Variants in PLAC8L1 observed in about 807,000 individuals in gnomAD.
PLAC8L1 encodes PLAC8-like protein 1.
A neutral mutation model predicts 16.3 loss-of-function variants in PLAC8L1; 13 were observed. The observed-to-expected ratio is 0.80, with a 90% CI of 0.52 to 1.27. PLAC8L1 has a LOEUF of 1.27. PLAC8L1 is among the 50% of genes most tolerant of loss of function. PLAC8L1 has a pLI of 0.00. For missense variants in PLAC8L1, 184 were observed against 220.2 expected (o/e 0.84, Z 1.04); for synonymous variants, 78 against 79.3 (o/e 0.98, Z 0.09).
At chr5:146,104,104 TC>T in intron 1 of PLAC8L1, 88 bp downstream of exon 1, 1 of 1,509,402 alleles carries the variant, frequency 6.6e-7, no homozygotes, top group Non-Finnish European at 8.8e-7. Flanking sequence ...AGCCCAGTTT[TC>T]TTTTCCCTGG....
chr5:146,098,068 T>C (rs1412560145), intron 2 of PLAC8L1, 88 bp downstream of exon 2: 3 of 1,396,238 alleles, frequency 2.1e-6, no homozygotes, highest in Non-Finnish European at 2.9e-6. Context: ...TTAATTTCTG[T>C]CCTTGTGCCT....
chr5:146,098,206 C>T lies in PLAC8L1; in HGVS notation c.206G>A (p.Gly69Asp). 3 of 1,614,134 alleles carry T rather than the reference C, an allele frequency of 1.9e-6. No homozygotes were observed. Among genetic ancestry groups the T allele is most frequent in the African/African-American group, 2.7e-5 (2 of 75,064 alleles). The change falls in exon 2 of 4, where the codon GGC (glycine) becomes GAC (aspartate). Residue 69 changes from glycine (G) to aspartate (D), a missense_variant. Physicochemically the swap from Gly to Asp is moderately conservative, Grantham distance 94. Transcript: ENST00000311450. ...RTTITAIVQT[G>D]GGWSTGLFSV... ...GAAGAGACCGGTGCTCCAGCCCCCG[C>T]CAGTCTGGACAATTGCTGTGATTGT...
In PLAC8L1 at chr5:146,104,208, A is replaced by C. The variant is rs369017174; in HGVS notation, c.104T>G (p.Phe35Cys). The C allele has an allele frequency of 8.1e-6, 13 of 1,613,756 alleles. No individual in the cohort carries two copies. The highest frequency in any genetic ancestry group is 1.3e-5 in the African/African-American group (1 of 75,054). Residue 35 changes from phenylalanine (F) to cysteine (C), a missense_variant, in exon 1 of 4, where the codon TTT (phenylalanine) becomes TGT (cysteine). Phe to Cys is a radical substitution (Grantham distance 205). Transcript: ENST00000311450. ...TATTCCCTACCTCAAGTTGGAAATAAAATGTTCATCTTCAGATGACATGTG... is the reference window on the plus strand; with the variant it reads ...TATTCCCTACCTCAAGTTGGAAATACAATGTTCATCTTCAGATGACATGTG... ...LSHMSSEDEHFISNLRGHVPA... is the reference protein window; with the variant it reads ...LSHMSSEDEHCISNLRGHVPA...
intron 2 of PLAC8L1, among the ~76,000 whole-genome samples, chr5:146,091,927 G>T (rs34818690): frequency 0.22 from 33,943 of 151,758 alleles, 4,853 homozygotes; most frequent in Admixed American, 0.34. Context: ...AAGAAGCTCA[G>T]GTTCAAAAGG....
intron 1 of PLAC8L1, 123 bp downstream of exon 1, chr5:146,104,070 A>G: frequency 7.0e-7 from 1 of 1,433,044 alleles, no homozygotes; most frequent in East Asian, 2.6e-5. Context: ...GCATGGAGAA[A>G]AGATAGCAAC....
intron 1 of PLAC8L1, chr5:146,099,431 G>A (rs1763771181): frequency 6.6e-6 from 1 of 152,242 alleles, no homozygotes; most frequent in South Asian, 2.1e-4. Context: ...GGAGCCTGAG[G>A]TGGGTGGATC....
chr5:146,095,759 A>G (rs1168704133), intron 2 of PLAC8L1, among the ~76,000 whole-genome samples: 2 of 152,178 alleles, frequency 1.3e-5, no homozygotes, highest in Non-Finnish European at 2.9e-5. Context: ...AAGTAGGCAC[A>G]TGATACAAGC....
intron 2 of PLAC8L1, among the ~76,000 whole-genome samples, chr5:146,088,908 T>C (rs548682027): frequency 1.3e-5 from 2 of 152,244 alleles, no homozygotes; most frequent in East Asian, 3.9e-4. Flanking sequence ...CAATGGCACA[T>C]AAAAATCAAT....
intron 2 of PLAC8L1, among the ~76,000 whole-genome samples, chr5:146,094,128 G>A (rs908716648): frequency 2.0e-5 from 3 of 152,136 alleles, no homozygotes; most frequent in African/African-American, 7.2e-5. Context: ...TGTCGCCCAG[G>A]CTGGAGTGCA....
At chr5:146,098,412 C>T (rs1424548043) in intron 1 of PLAC8L1, 120 bp from the exon 2 acceptor site, 1 of 936,540 alleles carries the variant, frequency 1.1e-6, no homozygotes, top group Non-Finnish European at 1.5e-6. Context: ...GGGCTCATAG[C>T]CCAAATCGAC....
intron 2 of PLAC8L1, among the ~76,000 whole-genome samples, chr5:146,086,024 C>CTTTTTTTTTTTTTTTTTTTTTT (rs58130114): frequency 1.1e-5 from 1 of 90,396 alleles, no homozygotes; most frequent in African/African-American, 4.6e-5. Context: ...ATTGAAAGGT[C>CTTTTTTTTTTTTTTTTTTTTTT]TTTTTTTTTT....
chr5:146,087,165 C>A (rs550293494), intron 2 of PLAC8L1, among the ~76,000 whole-genome samples: 76 of 152,304 alleles, frequency 5.0e-4, no homozygotes, highest in Admixed American at 3.4e-3. Context: ...CGTTCAACAT[C>A]ATGTTTTTGA....
chr5:146,093,684 AACTGGTCCCTGCTTCAGGGAG>A (rs1763662119), intron 2 of PLAC8L1, among the ~76,000 whole-genome samples: 1 of 152,174 alleles, frequency 6.6e-6, no homozygotes, highest in African/African-American at 2.4e-5. Flanking sequence ...TGAACAAGAA[AACTGGTCCCTGCTTCAGGGAG>A]TCTACAGGTT....
rs1223604928 is a variant in PLAC8L1 at position 146,105,429 on chromosome 5, A to G, written c.-1118T>C. Among the ~76,000 whole-genome samples the G allele has an allele frequency of 6.6e-6, 1 of 152,106 alleles. No individual in the cohort carries two copies. Among genetic ancestry groups the G allele is most frequent in the Admixed American group, 6.6e-5 (1 of 15,262 alleles). On this transcript the variant is annotated 5_prime_UTR_variant, in exon 1 of 4. Transcript: ENST00000311450. The stretch of plus-strand genomic sequence containing the variant: ...GATGTACCCTACATTAAGGACAGGT[A>G]TGTTTTTTCTGCTTACTACTCTATT...
In PLAC8L1 at chr5:146,084,734, G is replaced by C. The variant is rs943379745; in HGVS notation, c.394-162C>G. On this transcript the variant is annotated intron_variant, in intron 3 of 3. Coordinates refer to ENST00000311450, the MANE Select transcript of PLAC8L1 (RefSeq NM_001029869.3). The stretch of plus-strand genomic sequence containing the variant: ...GGACACTAAGTTGCATAAGTGCCAA[G>C]CAGCTGAATTGCTAATCAATGCCTG... 8.0e-6 allele frequency: 7 copies of C among 872,690 alleles called. No homozygotes were observed. The African/African-American group carries it at 1.2e-4, about 15-fold the overall frequency. 54.1% of individuals were successfully genotyped at this position (872,690 alleles called of 1,614,324 possible).
At chr5:146,102,230 T>A (rs941365692) in intron 1 of PLAC8L1, among the ~76,000 whole-genome samples, 8 of 152,042 alleles carry the variant, frequency 5.3e-5, no homozygotes, top group South Asian at 2.1e-4. Flanking sequence ...TAATTTTTTT[T>A]AATTTTTTGT....
chr5:146,085,199 C>T (rs1039015940), intron 3 of PLAC8L1, among the ~76,000 whole-genome samples: 1 of 152,184 alleles, frequency 6.6e-6, no homozygotes, highest in Non-Finnish European at 1.5e-5. Flanking sequence ...GGGCGGATCA[C>T]TTGAGGGCAG....
At chr5:146,086,179 G>A (rs1346634847) in intron 2 of PLAC8L1, among the ~76,000 whole-genome samples, 3 of 150,802 alleles carry the variant, frequency 2.0e-5, no homozygotes, top group African/African-American at 4.9e-5. Context: ...ACAGGCGCCC[G>A]CCACTACGCC....
intron 2 of PLAC8L1, among the ~76,000 whole-genome samples, chr5:146,091,585 CCA>C (rs1160061168): frequency 6.6e-6 from 1 of 151,888 alleles, no homozygotes; most frequent in Non-Finnish European, 1.5e-5. Flanking sequence ...TCACTTGAGG[CCA>C]GGAGTTTGAG....
Sources: allele counts gnomAD v4.1 joint callset (sites outside exome capture counted in the v4.1 genomes callset), GRCh38; gene constraint gnomAD v4.1.1; transcripts MANE v1.5; gene names NCBI Gene and HGNC (gene_info 2026-07-23, HGNC 2026-07-21).